MYO1E: variants seen among roughly 807,000 people sequenced by gnomAD.
The protein encoded by MYO1E is myosin IE.
MYO1E carries 68 observed loss-of-function variants against 151.1 expected under a neutral mutation model. The ratio of observed to expected loss-of-function variants is 0.45; its 90% CI spans 0.37 to 0.55. The LOEUF is 0.55. Among genes scored for constraint, MYO1E ranks in the 20% least tolerant of loss-of-function variants. The pLI is 0.00. For missense variants in MYO1E, 1,363 were observed against 1,389.3 expected (o/e 0.98, Z 0.30); for synonymous variants, 601 against 501.7 (o/e 1.20, Z -2.64).
At chr15:59,287,660 G>C (rs79954385) in intron 1 of MYO1E, among the ~76,000 whole-genome samples, 1 of 152,338 alleles carries the variant, frequency 6.6e-6, no homozygotes, top group African/African-American at 2.4e-5. Flanking sequence ...AGCCAGTGAG[G>C]AGTCTGCATG....
chr15:59,138,917 C>T (rs1168649031), intron 26 of MYO1E, among the ~76,000 whole-genome samples: 6 of 152,224 alleles, frequency 3.9e-5, no homozygotes, highest in African/African-American at 1.2e-4. Context: ...TCCACGGTCA[C>T]ATGCTCAACA....
intron 1 of MYO1E, among the ~76,000 whole-genome samples, chr15:59,355,281 C>A (rs1403400231): frequency 1.3e-5 from 2 of 152,150 alleles, no homozygotes; most frequent in African/African-American, 4.8e-5. Flanking sequence ...GGCAGGAGGG[C>A]CCCAATTTAC....
chr15:59,138,153 C>T (rs1197083043), intron 27 of MYO1E, 45 bp downstream of exon 27: 7 of 1,599,842 alleles, frequency 4.4e-6, no homozygotes, highest in Admixed American at 1.7e-5. Flanking sequence ...AATGTGACTG[C>T]ATGCTCTTTG....
At chr15:59,187,974 A>C in intron 18 of MYO1E, 144 bp downstream of exon 18, 1 of 712,766 alleles carries the variant, frequency 1.4e-6, no homozygotes, top group Non-Finnish European at 2.5e-6. Context: ...AAATGTCCTA[A>C]AATTAACGGT....
At chr15:59,321,942 G>A (rs1240621624) in intron 1 of MYO1E, among the ~76,000 whole-genome samples, 2 of 152,106 alleles carry the variant, frequency 1.3e-5, no homozygotes, top group African/African-American at 4.8e-5. Flanking sequence ...GGGAGGCCAA[G>A]GCAGGCAGAC....
At chr15:59,138,819 C>G (rs2079389685) in intron 26 of MYO1E, among the ~76,000 whole-genome samples, 1 of 152,162 alleles carries the variant, frequency 6.6e-6, no homozygotes, top group African/African-American at 2.4e-5. Flanking sequence ...TAACCATTCT[C>G]TGGCTCATCT....
At chr15:59,225,244 G>A (rs1411813308) in intron 7 of MYO1E, among the ~76,000 whole-genome samples, 2 of 152,064 alleles carry the variant, frequency 1.3e-5, no homozygotes, top group Non-Finnish European at 2.9e-5. Context: ...GCTTTTCCTT[G>A]ACTGTGAACT....
chr15:59,140,591 G>A (rs1275881574), intron 26 of MYO1E, among the ~76,000 whole-genome samples: 1 of 152,224 alleles, frequency 6.6e-6, no homozygotes, highest in Non-Finnish European at 1.5e-5. Flanking sequence ...GAGGAAAAGG[G>A]AGGGCCTTCC....
Position 59,161,125 on chromosome 15 carries a change from G to T in MYO1E, c.2733C>A (p.Pro911=), listed in dbSNP as rs144672780. ...TGCTGACCTGCAGCACTTTGTTACT[G>T]GGCTTGAGGACAGCCAGGTCCCCAA... ...QGFGDLAVLK[P]SNKVLQVSIG... Residue 911 remains proline, a synonymous_variant, in exon 24 of 28, where the codon CCC becomes CCA. Coordinates refer to ENST00000288235, the MANE Select transcript of MYO1E (RefSeq NM_004998.4). The T allele has an allele frequency of 2.2e-4, 361 of 1,613,948 alleles. No homozygotes were observed. The highest frequency in any genetic ancestry group is 2.9e-4 in the Non-Finnish European group (348 of 1,180,044).
rs201145994 is a variant in MYO1E at position 59,183,939 on chromosome 15, GTCTT to G, written c.1904+4175_1904+4178del. On this transcript the variant is annotated intron_variant, in intron 18 of 27. Transcript: ENST00000288235. Reference sequence around the variant, plus strand: ...AAATAAGTGAGAACATGTGATGTTTGTCTTTCTGTGCCTGGTTTGTTTCACTTAA... The same window carrying G: ...AAATAAGTGAGAACATGTGATGTTTGTCTGTGCCTGGTTTGTTTCACTTAA... Among the ~76,000 whole-genome samples the G allele has an allele frequency of 1.0e-2, 1,519 of 152,220 alleles. 36 individuals carry two copies. Among genetic ancestry groups the G allele is most frequent in the African/African-American group, 0.032 (1,314 of 41,522 alleles).
intron 17 of MYO1E, among the ~76,000 whole-genome samples, chr15:59,194,599 A>T (rs2079754527): frequency 6.6e-6 from 1 of 152,238 alleles, no homozygotes; most frequent in Non-Finnish European, 1.5e-5. Context: ...GACAAGAGGT[A>T]GCAATTCTGG....
chr15:59,338,589 G>A (rs1180321976), intron 1 of MYO1E, among the ~76,000 whole-genome samples: 2 of 152,280 alleles, frequency 1.3e-5, no homozygotes, highest in East Asian at 3.9e-4. Flanking sequence ...GGGCTCTCAG[G>A]AGTATTGGGG....
intron 5 of MYO1E, 65 bp downstream of exon 5, chr15:59,236,520 C>G (rs996972011): frequency 2.2e-5 from 31 of 1,396,804 alleles, no homozygotes; most frequent in Non-Finnish European, 9.1e-6. Context: ...TCTTTTCTAA[C>G]AGCAAATGGA....
intron 26 of MYO1E, 86 bp from the exon 27 acceptor site, chr15:59,138,453 T>G: frequency 6.9e-7 from 1 of 1,452,406 alleles, no homozygotes; most frequent in Non-Finnish European, 9.6e-7. Context: ...CGGCCGGCAC[T>G]GGCCTGTTCA....
At chr15:59,365,714 G>C (rs1187083004) in intron 1 of MYO1E, among the ~76,000 whole-genome samples, 1 of 152,178 alleles carries the variant, frequency 6.6e-6, no homozygotes, top group East Asian at 1.9e-4. Flanking sequence ...AAATGAATTT[G>C]TAACAAACAT....
intron 1 of MYO1E, among the ~76,000 whole-genome samples, chr15:59,277,469 C>A (rs754991470): frequency 1.3e-5 from 2 of 150,096 alleles, no homozygotes; most frequent in Non-Finnish European, 2.9e-5. Context: ...TGCTTGAACC[C>A]AGGAGGCGGA....
chr15:59,216,668 A>ATG (rs1282552731), intron 10 of MYO1E, among the ~76,000 whole-genome samples: 310 of 9,238 alleles, frequency 0.034, no homozygotes, highest in African/African-American at 0.064. Flanking sequence ...GTGTATGTGT[A>ATG]TATATATATA....
chr15:59,268,718 G>GTGTTTTTTTTTTTTTTTTTTT (rs1452818863), intron 2 of MYO1E, among the ~76,000 whole-genome samples: 2 of 12,042 alleles, frequency 1.7e-4, no homozygotes, highest in Non-Finnish European at 4.1e-4. Flanking sequence ...GGTGACTTTG[G>GTGTTTTTTTTTTTTTTTTTTT]TATTTTTTTT....
intron 12 of MYO1E, among the ~76,000 whole-genome samples, chr15:59,214,002 A>G (rs1286088553): frequency 6.6e-6 from 1 of 152,228 alleles, no homozygotes; most frequent in East Asian, 1.9e-4. Flanking sequence ...TACCTCCAAC[A>G]TCACAGCATC....
Sources: allele counts gnomAD v4.1 joint callset (sites outside exome capture counted in the v4.1 genomes callset), GRCh38; gene constraint gnomAD v4.1.1; transcripts MANE v1.5; gene names NCBI Gene and HGNC (gene_info 2026-07-23, HGNC 2026-07-21).